RBFOX1: variants seen among roughly 807,000 people sequenced by gnomAD.
RBFOX1 encodes RNA binding fox-1 homolog 1.
RBFOX1 carries 8 observed loss-of-function variants against 57.7 expected under a neutral mutation model. That is an observed-to-expected ratio of 0.14 (90% CI 0.08 to 0.25). The LOEUF is 0.25. Ranked by LOEUF, RBFOX1 falls within the 10% of genes least tolerant of loss-of-function variation. The pLI, the probability that RBFOX1 is intolerant of heterozygous loss-of-function variation, is 1.00. For synonymous variants in RBFOX1, 326 were observed against 222.4 expected (o/e 1.47, Z -4.15); for missense variants, 611 against 548.5 (o/e 1.11, Z -1.14).
chr16:7,438,745 C>G (rs1341876258), intron 4 of RBFOX1, among the ~76,000 whole-genome samples: 1 of 152,162 alleles, frequency 6.6e-6, no homozygotes, highest in African/African-American at 2.4e-5. Context: ...GGCTATGGTT[C>G]ATTCTCCCTT....
chr16:6,054,225 G>C (rs2095587026), intron 1 of RBFOX1, among the ~76,000 whole-genome samples: 1 of 151,984 alleles, frequency 6.6e-6, no homozygotes, highest in South Asian at 2.1e-4. Context: ...TGCTTATTAG[G>C]AAACATAATA....
intron 2 of RBFOX1, among the ~76,000 whole-genome samples, chr16:5,577,367 G>A: frequency 6.6e-6 from 1 of 152,112 alleles, no homozygotes; most frequent in East Asian, 1.9e-4. Context: ...GTTGGCGGGG[G>A]GGTCTCACCT....
At chr16:6,500,249 C>A (rs1459939686) in intron 2 of RBFOX1, among the ~76,000 whole-genome samples, 1 of 152,096 alleles carries the variant, frequency 6.6e-6, no homozygotes. Flanking sequence ...TACCTAGGAG[C>A]TTATTGAGGC....
chr16:6,610,422 G>A (rs1040107063), intron 2 of RBFOX1, among the ~76,000 whole-genome samples: 14 of 152,094 alleles, frequency 9.2e-5, no homozygotes, highest in East Asian at 1.9e-4. Flanking sequence ...CAACCTTGCC[G>A]GCTCAAGTGA....
At chr16:7,330,941 A>C (rs1409360325) in intron 4 of RBFOX1, among the ~76,000 whole-genome samples, 1 of 152,098 alleles carries the variant, frequency 6.6e-6, no homozygotes, top group Non-Finnish European at 1.5e-5. Flanking sequence ...TCAAAAGCTA[A>C]AGTTAGAAAC....
chr16:6,111,520 G>A (rs2096446492), intron 1 of RBFOX1, among the ~76,000 whole-genome samples: 1 of 152,182 alleles, frequency 6.6e-6, no homozygotes, highest in Admixed American at 6.5e-5. Flanking sequence ...AGGATATTAA[G>A]TGTGTGATGG....
chr16:6,872,936 C>A (rs548808008), intron 3 of RBFOX1, among the ~76,000 whole-genome samples: 1 of 152,124 alleles, frequency 6.6e-6, no homozygotes, highest in Non-Finnish European at 1.5e-5. Flanking sequence ...CTGACACTTG[C>A]TCTGTTTTAC....
At chr16:7,486,502 C>T (rs1277570498) in intron 4 of RBFOX1, among the ~76,000 whole-genome samples, 4 of 152,014 alleles carry the variant, frequency 2.6e-5, no homozygotes, top group Non-Finnish European at 5.9e-5. Context: ...AGTCACTTAA[C>T]TTCTCTCGGT....
chr16:6,850,483 G>A (rs184805155), intron 3 of RBFOX1, among the ~76,000 whole-genome samples: 12 of 152,158 alleles, frequency 7.9e-5, no homozygotes, highest in South Asian at 4.2e-4. Context: ...GAGACTGATT[G>A]CCTAAGGTAC....
chr16:6,322,251 C>A (rs1233586982), intron 2 of RBFOX1, among the ~76,000 whole-genome samples: 3 of 152,160 alleles, frequency 2.0e-5, no homozygotes, highest in Non-Finnish European at 4.4e-5. Context: ...CAACAGATTG[C>A]AGGACTAATA....
intron 3 of RBFOX1, among the ~76,000 whole-genome samples, chr16:5,657,716 T>C (rs12926208): frequency 1.5e-5 from 2 of 131,364 alleles, no homozygotes; most frequent in African/African-American, 2.7e-5. Context: ...CTTTCTCTCT[T>C]TCTTTTGTTT....
chr16:7,696,915 G>T (rs1398863209), intron 14 of RBFOX1, among the ~76,000 whole-genome samples: 1 of 152,120 alleles, frequency 6.6e-6, no homozygotes, highest in African/African-American at 2.4e-5. Flanking sequence ...CATACTTGAG[G>T]TGTCCAGGAG....
intron 4 of RBFOX1, among the ~76,000 whole-genome samples, chr16:7,170,731 A>T (rs996568678): frequency 6.6e-6 from 1 of 152,138 alleles, no homozygotes; most frequent in Non-Finnish European, 1.5e-5. Flanking sequence ...TGAAGTTTCC[A>T]TACACCTTGG....
intron 1 of RBFOX1, among the ~76,000 whole-genome samples, chr16:5,377,263 GT>G (rs2066010015): frequency 6.6e-6 from 1 of 151,538 alleles, no homozygotes; most frequent in East Asian, 1.9e-4. Flanking sequence ...GAGGAGTAGG[GT>G]AAGTGCTTTG....
Position 5,932,539 on chromosome 16 carries a change from A to T in RBFOX1, c.351+65204A>T, listed in dbSNP as rs192238132. Among the ~76,000 whole-genome samples the T allele has an allele frequency of 5.9e-5, 9 of 152,348 alleles. No homozygotes were observed. In the East Asian group the frequency reaches 1.7e-3, roughly 29 times the overall value. On this transcript the variant is annotated intron_variant, in intron 4 of 19. Coordinates refer to the RBFOX1 transcript ENST00000641259. ...TCTGCCCTTACAGAACTGTGAGCGA[A>T]TGAGTGAGTGTTGTTTTGAGCTCCT...
chr16:6,902,541 G>T (rs548458389), intron 3 of RBFOX1, among the ~76,000 whole-genome samples: 64 of 152,094 alleles, frequency 4.2e-4, no homozygotes, highest in Middle Eastern at 3.2e-3. Context: ...AACCAACATG[G>T]TAATGCCCTG....
At chr16:5,938,327 C>T (rs997669416) in intron 4 of RBFOX1, among the ~76,000 whole-genome samples, 15 of 152,314 alleles carry the variant, frequency 9.8e-5, no homozygotes, top group African/African-American at 3.4e-4. Flanking sequence ...TCCAGAGTGT[C>T]TCACTGATCG....
In RBFOX1 at chr16:6,301,885, G is replaced by A. The variant is rs9937237; in HGVS notation, c.-126-15110G>A. ...ATGCAGTATTTCATTTAATCCTTAC[G>A]GGGATCCGGTAGCACAGGTAGTCCA... On this transcript the variant is annotated intron_variant, in intron 1 of 15. Coordinates refer to ENST00000550418, the MANE Select transcript of RBFOX1 (RefSeq NM_018723.4). Among the ~76,000 whole-genome samples the A allele has an allele frequency of 8.8e-3, 1,341 of 152,060 alleles. 27 individuals carry two copies. Among genetic ancestry groups the A allele is most frequent in the African/African-American group, 0.03 (1,256 of 41,476 alleles).
At chr16:5,900,372 A>G (rs1179076017) in intron 4 of RBFOX1, among the ~76,000 whole-genome samples, 2 of 152,226 alleles carry the variant, frequency 1.3e-5, no homozygotes, top group Non-Finnish European at 2.9e-5. Flanking sequence ...TTCCTAGCAG[A>G]GAGAATTGTA....
Sources: gnomAD v4.1 joint callset for allele counts (sites outside exome capture counted in the v4.1 genomes callset) on GRCh38, gnomAD v4.1.1 for gene constraint, MANE v1.5 for transcripts, NCBI Gene and HGNC (gene_info 2026-07-23, HGNC 2026-07-21) for gene names.